The following TRIM33 variants were observed in gnomAD, a reference collection of about 807,000 sequenced individuals.
TRIM33 encodes E3 ubiquitin-protein ligase TRIM33.
TRIM33 carries 20 observed loss-of-function variants against 125.4 expected under a neutral mutation model. The ratio of observed to expected loss-of-function variants is 0.16; its 90% CI spans 0.11 to 0.23. TRIM33 has a LOEUF of 0.23. Among genes scored for constraint, TRIM33 ranks in the 10% least tolerant of loss-of-function variants. The probability of loss-of-function intolerance (pLI) is 1.00; values close to 1 mark genes in which losing one functional copy is unlikely to be tolerated. For missense variants in TRIM33, 920 were observed against 1,411.4 expected (o/e 0.65, Z 5.58); for synonymous variants, 564 against 513.9 (o/e 1.10, Z -1.32).
intron 18 of TRIM33, among the ~76,000 whole-genome samples, chr1:114,398,254 C>T (rs1651663051): frequency 1.3e-5 from 2 of 152,180 alleles, no homozygotes; most frequent in Non-Finnish European, 2.9e-5. Flanking sequence ...GGTCTGAACA[C>T]ATCAATCTAT....
intron 1 of TRIM33, among the ~76,000 whole-genome samples, chr1:114,486,288 C>A (rs1195581638): frequency 6.7e-6 from 1 of 150,364 alleles, no homozygotes; most frequent in Non-Finnish European, 1.5e-5. Flanking sequence ...AACGGCAATA[C>A]GAATGTCCTT....
At chr1:114,491,796 C>A (rs1652087315) in intron 1 of TRIM33, among the ~76,000 whole-genome samples, 1 of 152,020 alleles carries the variant, frequency 6.6e-6, no homozygotes, top group Non-Finnish European at 1.5e-5. Flanking sequence ...AGAGCAAGAC[C>A]CTGTCTCAAA....
intron 1 of TRIM33, among the ~76,000 whole-genome samples, chr1:114,508,317 C>T (rs1442994602): frequency 1.3e-5 from 2 of 152,048 alleles, no homozygotes; most frequent in Non-Finnish European, 2.9e-5. Flanking sequence ...TTCAGAGAGC[C>T]AATTTCATAA....
intron 1 of TRIM33, among the ~76,000 whole-genome samples, chr1:114,485,021 C>A (rs1321824231): frequency 6.6e-6 from 1 of 151,890 alleles, no homozygotes; most frequent in Non-Finnish European, 1.5e-5. Context: ...CACTGCACTC[C>A]CGCCTGGGAG....
At chr1:114,481,845 C>T (rs1012571787) in intron 1 of TRIM33, among the ~76,000 whole-genome samples, 13 of 151,878 alleles carry the variant, frequency 8.6e-5, no homozygotes, top group East Asian at 1.9e-4. Context: ...CTGCAACCTC[C>T]GCCTACCCAG....
chr1:114,401,350 T>A, intron 17 of TRIM33, 39 bp downstream of exon 17: 1 of 1,570,196 alleles, frequency 6.4e-7, no homozygotes, highest in Non-Finnish European at 8.7e-7. Context: ...TTAAGTATTA[T>A]GAGACTTCCC....
chr1:114,471,853 T>C (rs992256212), intron 1 of TRIM33, among the ~76,000 whole-genome samples: 5 of 152,276 alleles, frequency 3.3e-5, no homozygotes, highest in Admixed American at 1.3e-4. Context: ...TTATAAAAAA[T>C]TGAATGGTTG....
chr1:114,483,979 T>C (rs942991163), intron 1 of TRIM33, among the ~76,000 whole-genome samples: 6 of 152,164 alleles, frequency 3.9e-5, no homozygotes, highest in East Asian at 1.9e-4. Flanking sequence ...AGTTTGTAAG[T>C]GGAGGTTTGG....
At chr1:114,469,159 T>G (rs924332523) in intron 1 of TRIM33, 5 of 180,826 alleles carry the variant, frequency 2.8e-5, no homozygotes, top group Non-Finnish European at 5.8e-5. Flanking sequence ...GACACACACC[T>G]GCAGAAGAGA....
At chr1:114,431,865 TA>T (rs1216721375) in intron 5 of TRIM33, among the ~76,000 whole-genome samples, 1 of 152,186 alleles carries the variant, frequency 6.6e-6, no homozygotes, top group Non-Finnish European at 1.5e-5. Context: ...AAGGTACTAA[TA>T]ACTAGTGATA....
At chr1:114,490,891 G>A (rs1200419133) in intron 1 of TRIM33, 16 of 152,174 alleles carry the variant, frequency 1.1e-4, no homozygotes, top group Admixed American at 9.8e-4. Context: ...AGATGAAGGC[G>A]AAGGTCAGCC....
intron 1 of TRIM33, among the ~76,000 whole-genome samples, chr1:114,510,200 A>G (rs1008016009): frequency 6.6e-6 from 1 of 151,854 alleles, no homozygotes; most frequent in Non-Finnish European, 1.5e-5. Context: ...GGGCCCTTTC[A>G]GCCAAAACGC....
intron 1 of TRIM33, among the ~76,000 whole-genome samples, chr1:114,507,918 A>T (rs1397088773): frequency 6.6e-6 from 1 of 152,152 alleles, no homozygotes; most frequent in Non-Finnish European, 1.5e-5. Flanking sequence ...GGAGTTCAAG[A>T]CCAGTCTGAC....
At chr1:114,493,107 T>C (rs1036264614) in intron 1 of TRIM33, among the ~76,000 whole-genome samples, 1 of 152,224 alleles carries the variant, frequency 6.6e-6, no homozygotes, top group Admixed American at 6.5e-5. Flanking sequence ...AGGTGTGAAG[T>C]GGTATCTCCT....
At chr1:114,407,139 C>T in intron 13 of TRIM33, 39 bp from the exon 14 acceptor site, 1 of 1,550,914 alleles carries the variant, frequency 6.4e-7, no homozygotes, top group Non-Finnish European at 8.8e-7. Context: ...ATACGTTTGA[C>T]TATATGGTAT....
Position 114,463,575 on chromosome 1 carries a change from A to C in TRIM33, c.646-19T>G, listed in dbSNP as rs745823153. On this transcript the variant is annotated intron_variant, in intron 2 of 19. Coordinates refer to ENST00000358465, the MANE Select transcript of TRIM33 (RefSeq NM_015906.4). ...TACATACCTAAAAGAAGAAATAAGC[A>C]CTAATCTAAATTAAATACATAAAAT... 75 of 1,518,566 alleles carry C rather than the reference A, an allele frequency of 4.9e-5. No individual in the cohort carries two copies. The highest frequency in any genetic ancestry group is 1.7e-4 in the Middle Eastern group (1 of 5,872). 94.1% of individuals were successfully genotyped at this position (1,518,566 alleles called of 1,614,324 possible).
chr1:114,464,317 TCACA>T lies in TRIM33; in HGVS notation c.594_597del (p.Phe198LeufsTer33). Reference sequence around the variant, plus strand: ...CTGCTAGGAGCTTCAGATGTGTCTTTCACAAAATAATTATCCACAAGGTCTATCT... The same window carrying T: ...CTGCTAGGAGCTTCAGATGTGTCTTTAAATAATTATCCACAAGGTCTATCT... On this transcript the variant is annotated frameshift_variant, in exon 2 of 20. Coordinates refer to ENST00000358465, the MANE Select transcript of TRIM33 (RefSeq NM_015906.4). LOFTEE classifies it high-confidence loss of function. The T allele has an allele frequency of 6.2e-7, 1 of 1,612,344 alleles. No homozygotes were observed. Among genetic ancestry groups the T allele is most frequent in the Non-Finnish European group, 8.5e-7 (1 of 1,179,352 alleles).
chr1:114,465,517 C>T (rs1450615316), intron 1 of TRIM33, among the ~76,000 whole-genome samples: 1 of 152,132 alleles, frequency 6.6e-6, no homozygotes, highest in Non-Finnish European at 1.5e-5. Context: ...TAAAACTTAT[C>T]ACTCTAAAAG....
intron 11 of TRIM33, among the ~76,000 whole-genome samples, chr1:114,411,641 T>TA (rs1652595030): frequency 6.6e-6 from 1 of 152,306 alleles, no homozygotes; most frequent in Non-Finnish European, 1.5e-5. Context: ...CACTCCTTTT[T>TA]ATACTCCTCA....
Sources: gnomAD v4.1 joint callset for allele counts (sites outside exome capture counted in the v4.1 genomes callset) on GRCh38, gnomAD v4.1.1 for gene constraint, MANE v1.5 for transcripts, NCBI Gene and HGNC (gene_info 2026-07-23, HGNC 2026-07-21) for gene names.